Variants in CACNA1A observed in about 807,000 individuals in gnomAD.
CACNA1A encodes voltage-dependent P/Q-type calcium channel subunit alpha-1A.
A neutral mutation model predicts 262.4 loss-of-function variants in CACNA1A; 57 were observed. That is an observed-to-expected ratio of 0.22 (90% confidence interval 0.18 to 0.27). The LOEUF (loss-of-function observed/expected upper bound fraction) is 0.27, where lower values mean the gene tolerates loss of function less well. CACNA1A is among the 10% of genes least tolerant of loss of function. The pLI is 1.00. For missense variants in CACNA1A, 2,526 were observed against 3,562.8 expected (o/e 0.71, Z 7.41); for synonymous variants, 1,431 against 1,419.3 (o/e 1.01, Z -0.18).
At chr19:13,269,759 A>G (rs1297493047) in intron 24 of CACNA1A, among the ~76,000 whole-genome samples, 1 of 152,216 alleles carries the variant, frequency 6.6e-6, no homozygotes, top group Admixed American at 6.5e-5. Context: ...TACAAGGGAC[A>G]CAGTCAGTGA....
intron 3 of CACNA1A, among the ~76,000 whole-genome samples, chr19:13,446,251 A>AG (rs2060809451): frequency 1.6e-5 from 1 of 62,178 alleles, no homozygotes; most frequent in Admixed American, 1.6e-4. Context: ...CTCTGTCCCG[A>AG]AAAAAAAAAA....
At chr19:13,419,919 C>T (rs1378137854) in intron 3 of CACNA1A, among the ~76,000 whole-genome samples, 1 of 151,746 alleles carries the variant, frequency 6.6e-6, no homozygotes, top group African/African-American at 2.4e-5. Flanking sequence ...AACCCTGTTT[C>T]TATTAAAAAT....
At chr19:13,435,955 G>A (rs1353994013) in intron 3 of CACNA1A, among the ~76,000 whole-genome samples, 1 of 152,134 alleles carries the variant, frequency 6.6e-6, no homozygotes, top group African/African-American at 2.4e-5. Flanking sequence ...CTCCCGAGTA[G>A]CTGAGATTAC....
At chr19:13,499,352 C>T (rs1982066957) in intron 1 of CACNA1A, among the ~76,000 whole-genome samples, 1 of 148,398 alleles carries the variant, frequency 6.7e-6, no homozygotes, top group South Asian at 2.1e-4. Flanking sequence ...CCCCTGAAAG[C>T]TTCCAGAGAG....
intron 3 of CACNA1A, among the ~76,000 whole-genome samples, chr19:13,380,936 G>C (rs1313287379): frequency 6.6e-6 from 1 of 151,810 alleles, no homozygotes; most frequent in Non-Finnish European, 1.5e-5. Context: ...ACCAAGCCCA[G>C]CTAATTTTTG....
At chr19:13,361,353 C>G (rs1183898485) in intron 5 of CACNA1A, among the ~76,000 whole-genome samples, 1 of 152,170 alleles carries the variant, frequency 6.6e-6, no homozygotes, top group East Asian at 1.9e-4. Flanking sequence ...CAGTCCAAAT[C>G]TTAAGGTATT....
chr19:13,395,620 G>GA (rs149394654), intron 3 of CACNA1A, among the ~76,000 whole-genome samples: 29,046 of 121,592 alleles, frequency 0.24, 5,510 homozygotes, highest in African/African-American at 0.53. Flanking sequence ...TCAAAAAAAA[G>GA]AAAAAAAAAA....
At chr19:13,273,638 A>C (rs1019704907) in intron 24 of CACNA1A, 2 of 148,418 alleles carry the variant, frequency 1.3e-5, no homozygotes, top group African/African-American at 5.0e-5. Flanking sequence ...TTTAACCTAC[A>C]GAACAGCTTG....
intron 3 of CACNA1A, among the ~76,000 whole-genome samples, chr19:13,408,824 A>G (rs1271622833): frequency 6.6e-6 from 1 of 152,224 alleles, no homozygotes; most frequent in Non-Finnish European, 1.5e-5. Context: ...AGGAACAGTA[A>G]GGTGTCCTTG....
In CACNA1A at chr19:13,207,056, C is replaced by A. The variant is rs1045311228; in HGVS notation, c.*257G>T. On this transcript the variant is annotated 3_prime_UTR_variant, in exon 47 of 47. Transcript: ENST00000360228. This position sits in a 1 kb window ranked among gnomAD's most constrained non-coding sequence, Gnocchi z 5.7. Reference sequence around the variant, plus strand: ...GGTTTGTCTGCTCCCTGCCTCCCACCCGAGAGCCCCTGTCGTGGGTGGGGG... The same window carrying A: ...GGTTTGTCTGCTCCCTGCCTCCCACACGAGAGCCCCTGTCGTGGGTGGGGG... 3.3e-6 allele frequency: 1 copy of A among 304,382 alleles called. No homozygotes were observed. Among genetic ancestry groups the A allele is most frequent in the Non-Finnish European group, 6.1e-6 (1 of 165,000 alleles). 18.9% of individuals were successfully genotyped at this position (304,382 alleles called of 1,614,324 possible). A position where few individuals can be genotyped will look rare whatever the true frequency, so the allele number is the denominator to read the frequency against.
At position 13,383,050 on chromosome 19, in the gene CACNA1A, G is replaced by A. The variant is rs10403837; in HGVS notation, c.540-11271C>T. Among the ~76,000 whole-genome samples the A allele has an allele frequency of 1.9e-3, 294 of 152,298 alleles. 1 individual carries two copies. The highest frequency in any genetic ancestry group is 6.2e-3 in the African/African-American group (258 of 41,578). On this transcript the variant is annotated intron_variant, in intron 3 of 46. Transcript: ENST00000360228. ...CTAGTTGGGCGGGGTGAGGGGCAAC[G>A]GTGGTGAAGAAAGAGAAGAATGGCT... is the stretch of plus-strand genomic sequence containing the variant.
At chr19:13,295,495 C>CTTTCT (rs573985059) in intron 19 of CACNA1A, among the ~76,000 whole-genome samples, 2 of 141,044 alleles carry the variant, frequency 1.4e-5, no homozygotes, top group East Asian at 2.1e-4. Flanking sequence ...TTCTTTCTTT[C>CTTTCT]TTTTTTTTTT....
In CACNA1A at chr19:13,480,022, C is replaced by T. The variant is rs189506988; in HGVS notation, c.294-24810G>A. 2.3e-3 allele frequency among the ~76,000 whole-genome samples: 357 copies of T among 152,326 alleles called. 1 individual carries two copies. The highest frequency in any genetic ancestry group is 8.3e-3 in the African/African-American group (344 of 41,562). On this transcript the variant is annotated intron_variant, in intron 1 of 46. Coordinates refer to ENST00000360228, the MANE Select transcript of CACNA1A (RefSeq NM_001127222.2). ...TCCCAAAGAGACAGTATTTACTAGA[C>T]ATTTTCTAGCTAATCCTTTGCAGAA...
At position 13,298,995 on chromosome 19, in the gene CACNA1A, G is replaced by A. The variant is rs1408152396; in HGVS notation, c.2638C>T (p.Arg880Trp). The A allele has an allele frequency of 1.3e-6, 2 of 1,577,784 alleles. No individual in the cohort carries two copies. The highest frequency in any genetic ancestry group is 1.7e-6 in the Non-Finnish European group (2 of 1,169,382). ...TCCTGGCTTCCCGCCCAGGGCCTCC[G>A]TGCGTCCAGGCCCGCCGAGCCGCTG... The part of the protein sequence containing the change: ...DPSGSAGLDA[R>W]RPWAGSQEAE... Residue 880 changes from arginine to tryptophan, a missense_variant, in exon 19 of 47, where the codon CGG becomes TGG. Arg to Trp is a moderately radical substitution (Grantham distance 101). This residue lies in a region of CACNA1A where 765 missense variants were observed against 748.6 expected (regional missense o/e 1.02). Coordinates refer to ENST00000360228, the MANE Select transcript of CACNA1A (RefSeq NM_001127222.2).
intron 3 of CACNA1A, among the ~76,000 whole-genome samples, chr19:13,450,162 A>G (rs866129660): frequency 4.6e-5 from 7 of 150,802 alleles, no homozygotes; most frequent in African/African-American, 1.5e-4. Context: ...AAAAAAAAAA[A>G]GAGAAAGGTT....
chr19:13,400,517 C>CT (rs1016054994), intron 3 of CACNA1A, among the ~76,000 whole-genome samples: 1 of 152,194 alleles, frequency 6.6e-6, no homozygotes, highest in African/African-American at 2.4e-5. Context: ...ATCATGCTCA[C>CT]TGACTTTAAG....
At chr19:13,389,474 T>C (rs1390179984) in intron 3 of CACNA1A, among the ~76,000 whole-genome samples, 3 of 152,194 alleles carry the variant, frequency 2.0e-5, no homozygotes, top group East Asian at 1.9e-4. Context: ...GACTGAGTAC[T>C]ACCGATATGT....
At chr19:13,251,566 T>C (rs1023744087) in intron 30 of CACNA1A, among the ~76,000 whole-genome samples, 2 of 152,258 alleles carry the variant, frequency 1.3e-5, no homozygotes, top group South Asian at 2.1e-4. Flanking sequence ...TTTAAAGCAA[T>C]GATGAATGCA....
In CACNA1A at chr19:13,241,643, T is replaced by C; in HGVS notation, c.4950+3539A>G. 4.2e-6 allele frequency: 2 copies of C among 477,580 alleles called. No homozygotes were observed. Among genetic ancestry groups the C allele is most frequent in the Non-Finnish European group, 8.2e-6 (2 of 245,062 alleles). The allele number at this position is 477,580 out of a possible 1,614,324, so 29.6% of individuals were successfully genotyped here. A position where few individuals can be genotyped will look rare whatever the true frequency, so the allele number is the denominator to read the frequency against. The stretch of plus-strand genomic sequence containing the variant: ...TGCCAAAAAACCAATGGGTTTCGGT[T>C]CCCGGGCGGGGAGTGGGGGTGGTGG... On this transcript the variant is annotated intron_variant, in intron 31 of 46. Coordinates refer to ENST00000360228, the MANE Select transcript of CACNA1A (RefSeq NM_001127222.2). The surrounding 1 kb of genome is among the most constrained non-coding windows in gnomAD (Gnocchi z 4.0).
Sources: gnomAD v4.1 joint callset for allele counts (sites outside exome capture counted in the v4.1 genomes callset) on GRCh38, gnomAD v4.1.1 for gene constraint, gnomAD v4.1.1 regional missense constraint, Gnocchi (gnomAD v3.1) non-coding constraint, MANE v1.5 for transcripts, NCBI Gene and HGNC (gene_info 2026-07-23, HGNC 2026-07-21) for gene names.